NUP98: variants seen among roughly 807,000 people sequenced by gnomAD.
The protein encoded by NUP98 is nuclear pore complex protein Nup98-Nup96.
In NUP98, 26 loss-of-function variants were observed where a neutral mutation model predicts 191.9. The ratio of observed to expected loss-of-function variants is 0.14; its 90% CI spans 0.10 to 0.19. The LOEUF (loss-of-function observed/expected upper bound fraction) is 0.19, where lower values mean the gene tolerates loss of function less well. NUP98 is among the 10% of genes least tolerant of loss of function. The probability of loss-of-function intolerance (pLI) is 1.00; values close to 1 mark genes in which losing one functional copy is unlikely to be tolerated. For synonymous variants in NUP98, 808 were observed against 778.4 expected, an observed-to-expected ratio of 1.04 and a Z score of -0.63; for missense variants, 1,941 against 2,178.8, an observed-to-expected ratio of 0.89 and a Z score of 2.17.
At chr11:3,707,166 G>A (rs1449674532) in intron 20 of NUP98, among the ~76,000 whole-genome samples, 2 of 152,132 alleles carry the variant, frequency 1.3e-5, no homozygotes, top group African/African-American at 4.8e-5. Flanking sequence ...TACTTGTGCA[G>A]TACCACGTAA....
intron 14 of NUP98, among the ~76,000 whole-genome samples, chr11:3,726,672 C>T (rs1029039880): frequency 1.3e-5 from 2 of 151,954 alleles, no homozygotes; most frequent in Admixed American, 6.6e-5. Context: ...AATCCTCTAA[C>T]TCTTAAATAC....
chr11:3,776,088 A>T (rs1016350312), intron 4 of NUP98, 67 bp from the exon 5 acceptor site: 129 of 1,248,026 alleles, frequency 1.0e-4, no homozygotes, highest in Non-Finnish European at 1.4e-4. Flanking sequence ...GATGCATTGG[A>T]ATTGGGCTAT....
chr11:3,750,665 T>C (rs2080715547), intron 11 of NUP98, among the ~76,000 whole-genome samples: 1 of 152,058 alleles, frequency 6.6e-6, no homozygotes, highest in African/African-American at 2.4e-5. Flanking sequence ...TCTCATTCTG[T>C]TACCCAGGCT....
At chr11:3,790,818 A>G (rs576047749) in intron 1 of NUP98, among the ~76,000 whole-genome samples, 131 of 152,336 alleles carry the variant, frequency 8.6e-4, no homozygotes, top group Non-Finnish European at 1.8e-3. Flanking sequence ...ACTGAAATAC[A>G]AAGGATATCA....
At position 3,725,073 on chromosome 11, in the gene NUP98, A is replaced by G. The variant is rs2079564197; in HGVS notation, c.1847+30T>C. ...AAAAATGAGACTATAACTCTCTACT[A>G]AGAAGAACTCAAAACAGAATTCAGT... On this transcript the variant is annotated intron_variant, in intron 15 of 32. Transcript: ENST00000324932. The G allele has an allele frequency of 3.0e-6, 3 of 991,992 alleles. No homozygotes were observed. The African/African-American group carries it at 4.8e-5, about 16-fold the overall frequency. 61.4% of individuals were successfully genotyped at this position (991,992 alleles called of 1,614,324 possible). A position where few individuals can be genotyped will look rare whatever the true frequency, so the allele number is the denominator to read the frequency against.
chr11:3,795,002 A>AT (rs2082480705), intron 1 of NUP98, among the ~76,000 whole-genome samples: 1 of 152,254 alleles, frequency 6.6e-6, no homozygotes, highest in Non-Finnish European at 1.5e-5. Context: ...GAAATTAAAC[A>AT]TTAGTACCAT....
At chr11:3,756,602 T>C (rs2080966519) in intron 10 of NUP98, among the ~76,000 whole-genome samples, 1 of 136,566 alleles carries the variant, frequency 7.3e-6, no homozygotes, top group Admixed American at 7.9e-5. Flanking sequence ...TTTGTGTTTT[T>C]AGTAGAAATG....
At chr11:3,698,904 A>G (rs1156681396) in intron 25 of NUP98, 178 bp downstream of exon 25, 1 of 696,376 alleles carries the variant, frequency 1.4e-6, no homozygotes, top group Non-Finnish European at 2.4e-6. Flanking sequence ...ACTTGATTAA[A>G]AGTTAAATTT....
chr11:3,714,932 T>C (rs1455752774), intron 18 of NUP98: 1 of 152,226 alleles, frequency 6.6e-6, no homozygotes, highest in Non-Finnish European at 1.5e-5. Context: ...TACTGGCTGT[T>C]GTGAATAGTG....
intron 11 of NUP98, among the ~76,000 whole-genome samples, chr11:3,750,808 T>C (rs1381458375): frequency 6.6e-6 from 1 of 152,032 alleles, no homozygotes; most frequent in Non-Finnish European, 1.5e-5. Flanking sequence ...ATATCTATTT[T>C]ATTTTATTTT....
chr11:3,692,982 C>A, intron 27 of NUP98: 1 of 378,028 alleles, frequency 2.6e-6, no homozygotes, highest in Non-Finnish European at 4.7e-6. Flanking sequence ...ACAGGGAATT[C>A]CCAAAGAAGT....
intron 28 of NUP98, 54 bp from the exon 29 acceptor site, chr11:3,686,248 G>A (rs949463040): frequency 2.0e-6 from 3 of 1,498,408 alleles, no homozygotes; most frequent in Non-Finnish European, 2.8e-6. Context: ...GGCCTGGACT[G>A]ATATGTCAAC....
chr11:3,795,282 A>G (rs2082489502), intron 1 of NUP98, among the ~76,000 whole-genome samples: 1 of 152,116 alleles, frequency 6.6e-6, no homozygotes, highest in African/African-American at 2.4e-5. Flanking sequence ...TCTACCCAAA[A>G]TATACAAAAA....
intron 11 of NUP98, among the ~76,000 whole-genome samples, chr11:3,744,864 C>T (rs1310384109): frequency 6.6e-6 from 1 of 152,206 alleles, no homozygotes; most frequent in African/African-American, 2.4e-5. Context: ...CTCTGTGCTT[C>T]AGTTTCCTCA....
chr11:3,771,577 T>G (rs2081533348), intron 7 of NUP98, among the ~76,000 whole-genome samples, 171 bp downstream of exon 7: 1 of 152,218 alleles, frequency 6.6e-6, no homozygotes, highest in African/African-American at 2.4e-5. Flanking sequence ...GTCTTCATCT[T>G]AAACTGTCTT....
intron 7 of NUP98, among the ~76,000 whole-genome samples, chr11:3,770,983 C>T (rs1181179125): frequency 1.3e-5 from 2 of 152,168 alleles, no homozygotes; most frequent in Admixed American, 1.3e-4. Flanking sequence ...CTGCCTCAGC[C>T]TCCCAAGTAG....
intron 30 of NUP98, among the ~76,000 whole-genome samples, chr11:3,682,863 A>G (rs1432610952): frequency 6.6e-6 from 1 of 152,216 alleles, no homozygotes; most frequent in Non-Finnish European, 1.5e-5. Context: ...AAATTCTCCA[A>G]TGGAAAATGT....
intron 10 of NUP98, among the ~76,000 whole-genome samples, chr11:3,754,835 G>C (rs2134455055): frequency 6.6e-6 from 1 of 151,618 alleles, no homozygotes; most frequent in Admixed American, 6.6e-5. Flanking sequence ...CCAACCACTT[G>C]GGAGGCTGAA....
chr11:3,791,803 C>T (rs2082360859), intron 1 of NUP98, among the ~76,000 whole-genome samples: 1 of 149,830 alleles, frequency 6.7e-6, no homozygotes, highest in African/African-American at 2.5e-5. Flanking sequence ...GATCACGACA[C>T]TGCACTCCAG....
Sources: gnomAD v4.1 joint callset for allele counts (sites outside exome capture counted in the v4.1 genomes callset) on GRCh38, gnomAD v4.1.1 for gene constraint, MANE v1.5 for transcripts, NCBI Gene and HGNC (gene_info 2026-07-23, HGNC 2026-07-21) for gene names.